KAZN: variants seen among roughly 807,000 people sequenced by gnomAD.
The protein encoded by KAZN is kazrin.
KAZN carries 40 observed loss-of-function variants against 87.4 expected under a neutral mutation model. The observed-to-expected ratio is 0.46, with a 90% CI of 0.36 to 0.60. KAZN has a LOEUF of 0.60. Ranked by LOEUF, KAZN falls within the 20% of genes least tolerant of loss-of-function variation. The pLI is 0.00. For synonymous variants in KAZN, 466 were observed against 458.3 expected, an observed-to-expected ratio of 1.02 and a Z score of -0.22; for missense variants, 898 against 1,073.9, an observed-to-expected ratio of 0.84 and a Z score of 2.29.
chr1:14,399,661 T>C (rs1213844382), intron 2 of KAZN, among the ~76,000 whole-genome samples: 1 of 152,096 alleles, frequency 6.6e-6, no homozygotes, highest in African/African-American at 2.4e-5. Flanking sequence ...TCCACGTTGC[T>C]AAGGGGTGGT....
intron 2 of KAZN, among the ~76,000 whole-genome samples, chr1:14,197,730 C>T (rs1030081139): frequency 2.0e-5 from 3 of 152,068 alleles, no homozygotes; most frequent in Admixed American, 6.6e-5. Context: ...ACCACCACTA[C>T]CAGAACCTTA....
chr1:14,478,047 C>G lies in KAZN; in HGVS notation c.250-120936C>G, dbSNP rs115407646. 8.8e-3 allele frequency among the ~76,000 whole-genome samples: 1,333 copies of G among 152,308 alleles called. 24 individuals carry two copies. The highest frequency in any genetic ancestry group is 6.3e-3 in the Non-Finnish European group (430 of 68,030). ...GCAGCACATTGTGTACAGTCTCACT[C>G]ACCTCACTCCCACCCTCATTCTCAC... On this transcript the variant is annotated intron_variant, in intron 2 of 16. Transcript: ENST00000636203.
chr1:14,144,777 C>T (rs1191445383), intron 1 of KAZN, among the ~76,000 whole-genome samples: 1 of 152,210 alleles, frequency 6.6e-6, no homozygotes, highest in Admixed American at 6.5e-5. Context: ...GCAGAGATCA[C>T]ATGGCACGAA....
At chr1:15,078,876 T>G (rs1639876042) in intron 8 of KAZN, among the ~76,000 whole-genome samples, 1 of 152,170 alleles carries the variant, frequency 6.6e-6, no homozygotes, top group Non-Finnish European at 1.5e-5. Context: ...ACCAAGGACC[T>G]CATCAAAGCT....
intron 1 of KAZN, among the ~76,000 whole-genome samples, chr1:14,654,113 CCT>C (rs1244189452): frequency 6.6e-6 from 1 of 152,074 alleles, no homozygotes; most frequent in Non-Finnish European, 1.5e-5. Context: ...TGGTGAAACC[CCT>C]GTCTCTACCA....
intron 1 of KAZN, among the ~76,000 whole-genome samples, chr1:14,104,174 G>T (rs771091509): frequency 3.9e-5 from 6 of 152,148 alleles, no homozygotes; most frequent in Non-Finnish European, 8.8e-5. Flanking sequence ...ATATAACACA[G>T]CTTGTGGCCT....
At chr1:14,989,297 G>A (rs1247239774) in intron 2 of KAZN, among the ~76,000 whole-genome samples, 2 of 152,146 alleles carry the variant, frequency 1.3e-5, no homozygotes, top group African/African-American at 4.8e-5. Flanking sequence ...CCAACATGGT[G>A]AAACCCTGTC....
intron 2 of KAZN, chr1:14,304,452 A>T (rs1055588164): frequency 7.6e-6 from 3 of 394,710 alleles, no homozygotes; most frequent in Non-Finnish European, 1.3e-5. Context: ...CTCTATTTCC[A>T]TCCCACGAGG....
intron 1 of KAZN, among the ~76,000 whole-genome samples, chr1:14,912,127 A>C (rs1657314949): frequency 1.4e-5 from 2 of 141,372 alleles, no homozygotes; most frequent in Admixed American, 1.5e-4. Context: ...CCTGGGTAAC[A>C]GAGAGAGACT....
intron 2 of KAZN, chr1:14,222,161 T>A (rs1647115371): frequency 6.6e-6 from 1 of 152,202 alleles, no homozygotes; most frequent in Admixed American, 6.5e-5. Context: ...ATTTGGGTTT[T>A]AAAGGTGTAA....
At chr1:14,368,611 G>C (rs954664391) in intron 2 of KAZN, among the ~76,000 whole-genome samples, 1 of 152,164 alleles carries the variant, frequency 6.6e-6, no homozygotes, top group Non-Finnish European at 1.5e-5. Flanking sequence ...TTACATAGAT[G>C]GGTGTCACCT....
intron 1 of KAZN, among the ~76,000 whole-genome samples, chr1:14,766,352 C>T (rs1215694124): frequency 6.6e-6 from 1 of 151,996 alleles, no homozygotes; most frequent in Non-Finnish European, 1.5e-5. Context: ...TGGCATCCCA[C>T]ATGCCCCAAG....
intron 1 of KAZN, among the ~76,000 whole-genome samples, chr1:13,922,571 A>G (rs1003627970): frequency 6.6e-6 from 1 of 152,098 alleles, no homozygotes; most frequent in African/African-American, 2.4e-5. Flanking sequence ...TGCTGTGCTT[A>G]GAGGTTTTGC....
intron 2 of KAZN, among the ~76,000 whole-genome samples, chr1:14,448,207 T>C (rs926488609): frequency 1.6e-4 from 25 of 152,326 alleles, no homozygotes; most frequent in Non-Finnish European, 5.9e-5. Flanking sequence ...GCACTGAGAC[T>C]GAGAAGACTA....
chr1:15,004,882 A>T (rs894075431), intron 2 of KAZN, among the ~76,000 whole-genome samples: 22 of 152,212 alleles, frequency 1.4e-4, no homozygotes, highest in Admixed American at 9.2e-4. Context: ...TGTGAGGATT[A>T]ATTGAATCTT....
At chr1:13,931,290 A>G (rs1055458316) in intron 1 of KAZN, among the ~76,000 whole-genome samples, 8 of 152,226 alleles carry the variant, frequency 5.3e-5, no homozygotes, top group Non-Finnish European at 4.4e-5. Flanking sequence ...ATTGGATTTG[A>G]AAACTGTAAA....
rs1372961099 is a variant in KAZN at position 14,143,503 on chromosome 1, C to T, written c.92-36932C>T. Among the ~76,000 whole-genome samples, 3 of 152,170 alleles carry T rather than the reference C, an allele frequency of 2.0e-5. No individual in the cohort carries two copies. In the East Asian group the frequency reaches 5.8e-4, roughly 29 times the overall value. On this transcript the variant is annotated intron_variant, in intron 1 of 16. Transcript: ENST00000636203. ...TTAGATCTTGTATTCTTCCTGCGCC[C>T]TCATACACAGGCACACACTTCTCCC...
At chr1:14,853,872 G>A (rs1649757841) in intron 1 of KAZN, among the ~76,000 whole-genome samples, 1 of 152,184 alleles carries the variant, frequency 6.6e-6, no homozygotes, top group Non-Finnish European at 1.5e-5. Context: ...GGGAACGGTG[G>A]CCTGTGGACC....
chr1:14,190,952 C>T (rs978943965), intron 2 of KAZN, among the ~76,000 whole-genome samples: 21 of 152,152 alleles, frequency 1.4e-4, no homozygotes, highest in African/African-American at 5.1e-4. Context: ...TCAGGTCTGA[C>T]TTACTAAGAC....
Sources: allele counts gnomAD v4.1 joint callset (sites outside exome capture counted in the v4.1 genomes callset), GRCh38; gene constraint gnomAD v4.1.1; transcripts MANE v1.5; gene names NCBI Gene and HGNC (gene_info 2026-07-23, HGNC 2026-07-21).